The following ADAMTSL3 variants were observed in gnomAD, a reference collection of about 807,000 sequenced individuals.
ADAMTSL3 encodes ADAMTS like 3.
Under a neutral mutation model 201.7 loss-of-function variants are expected in ADAMTSL3, and 128 were observed. The observed-to-expected ratio is 0.63, with a 90% CI of 0.55 to 0.73. The LOEUF (loss-of-function observed/expected upper bound fraction) is 0.73, where lower values mean the gene tolerates loss of function less well. ADAMTSL3 is among the 30% of genes least tolerant of loss of function. The pLI, the probability that ADAMTSL3 is intolerant of heterozygous loss-of-function variation, is 0.00. For missense variants in ADAMTSL3, 1,990 were observed against 2,119.6 expected, an observed-to-expected ratio of 0.94 and a Z score of 1.20; for synonymous variants, 738 against 748.4, an observed-to-expected ratio of 0.99 and a Z score of 0.23.
rs1423107809 is a variant in ADAMTSL3, at chr15:83,852,774, A to G, written c.728-5992A>G. Among the ~76,000 whole-genome samples the G allele has an allele frequency of 3.3e-5, 5 of 152,214 alleles. No individual in the cohort carries two copies. The East Asian group carries it at 7.7e-4, about 23-fold the overall frequency. On this transcript the variant is annotated intron_variant, in intron 7 of 29. Transcript: ENST00000286744. ...TTTTGCTTAATTTTTATTTCAAATG[A>G]TTAATATTTTCCTTCGATTTTCTCA...
chr15:83,655,381 C>G (rs1411740852), intron 1 of ADAMTSL3, among the ~76,000 whole-genome samples: 1 of 152,210 alleles, frequency 6.6e-6, no homozygotes, highest in Non-Finnish European at 1.5e-5. Context: ...GCAGCAGAAG[C>G]TAGCCTAAAC....
At chr15:83,833,024 A>G (rs975624918) in intron 6 of ADAMTSL3, among the ~76,000 whole-genome samples, 3 of 152,180 alleles carry the variant, frequency 2.0e-5, no homozygotes, top group Non-Finnish European at 2.9e-5. Context: ...AATAATAGCA[A>G]CTAACACTGG....
intron 3 of ADAMTSL3, among the ~76,000 whole-genome samples, chr15:83,757,140 C>G (rs552526092): frequency 6.6e-6 from 1 of 152,342 alleles, no homozygotes; most frequent in East Asian, 1.9e-4. Context: ...TCTCACAGCT[C>G]TACTAGGCAG....
intron 3 of ADAMTSL3, among the ~76,000 whole-genome samples, chr15:83,753,718 G>A (rs971420419): frequency 4.0e-5 from 6 of 151,778 alleles, no homozygotes; most frequent in African/African-American, 1.5e-4. Context: ...TAAATGCTTT[G>A]ATTATGGTTT....
chr15:84,004,593 G>A (rs2067858394), intron 23 of ADAMTSL3, among the ~76,000 whole-genome samples: 3 of 152,162 alleles, frequency 2.0e-5, no homozygotes, highest in African/African-American at 7.2e-5. Flanking sequence ...CAAATTAGGA[G>A]TGAACCAGGA....
intron 23 of ADAMTSL3, among the ~76,000 whole-genome samples, chr15:83,991,579 G>C (rs1326670348): frequency 6.6e-6 from 1 of 152,212 alleles, no homozygotes; most frequent in African/African-American, 2.4e-5. Flanking sequence ...CAGAGGAGGG[G>C]ATTTGTGGGA....
At chr15:83,732,555 C>A (rs2062297285) in intron 3 of ADAMTSL3, among the ~76,000 whole-genome samples, 1 of 151,862 alleles carries the variant, frequency 6.6e-6, no homozygotes. Flanking sequence ...TAATATATAC[C>A]AGGGCTATTG....
chr15:83,693,938 T>C (rs948912533), intron 2 of ADAMTSL3, among the ~76,000 whole-genome samples: 1 of 152,110 alleles, frequency 6.6e-6, no homozygotes, highest in Non-Finnish European at 1.5e-5. Context: ...CCGCAACCAT[T>C]TGGGTAAAAT....
chr15:84,006,514 C>T (rs1015041725), intron 23 of ADAMTSL3, among the ~76,000 whole-genome samples: 1 of 152,144 alleles, frequency 6.6e-6, no homozygotes, highest in Non-Finnish European at 1.5e-5. Context: ...TTTAAAGACA[C>T]CCCCGAGGTG....
intron 3 of ADAMTSL3, among the ~76,000 whole-genome samples, chr15:83,770,675 T>G (rs988399690): frequency 1.3e-5 from 2 of 152,228 alleles, no homozygotes; most frequent in Non-Finnish European, 2.9e-5. Context: ...TAATCTATAA[T>G]ATTTCTAATA....
rs570068405 is a variant in ADAMTSL3, at chr15:83,756,267, A to C, written c.190-17256A>C. Reference sequence around the variant, plus strand: ...TCACACTGCTGAAAAAGACATACCCAAAACTGGGTAATTTATAAAGGAAAG... The same window carrying C: ...TCACACTGCTGAAAAAGACATACCCCAAACTGGGTAATTTATAAAGGAAAG... On this transcript the variant is annotated intron_variant, in intron 3 of 29. Coordinates refer to ENST00000286744, the MANE Select transcript of ADAMTSL3 (RefSeq NM_207517.3). Among the ~76,000 whole-genome samples the C allele has an allele frequency of 1.4e-4, 21 of 152,342 alleles. No homozygotes were observed. In the South Asian group the frequency reaches 3.5e-3, roughly 26 times the overall value.
intron 3 of ADAMTSL3, among the ~76,000 whole-genome samples, chr15:83,720,151 A>C (rs1220712828): frequency 1.3e-5 from 2 of 152,144 alleles, no homozygotes; most frequent in African/African-American, 4.8e-5. Context: ...TCTGGGAGGC[A>C]GAGGTTGCAG....
At chr15:83,822,565 G>A (rs2063905915) in intron 6 of ADAMTSL3, among the ~76,000 whole-genome samples, 1 of 149,572 alleles carries the variant, frequency 6.7e-6, no homozygotes, top group African/African-American at 2.5e-5. Context: ...CGGGGCGGCG[G>A]GGCAGAGGCG....
At chr15:83,663,184 A>C (rs1326573396) in intron 2 of ADAMTSL3, among the ~76,000 whole-genome samples, 4 of 152,014 alleles carry the variant, frequency 2.6e-5, no homozygotes, top group Non-Finnish European at 5.9e-5. Context: ...TGTCCTGCCA[A>C]CTCCCTTCAG....
intron 19 of ADAMTSL3, among the ~76,000 whole-genome samples, chr15:83,957,712 A>G (rs2066887775): frequency 6.6e-6 from 1 of 152,186 alleles, no homozygotes; most frequent in East Asian, 1.9e-4. Context: ...TGAAAGGGAG[A>G]GAAAAATGGC....
At chr15:83,817,504 T>G (rs2063788269) in intron 5 of ADAMTSL3, among the ~76,000 whole-genome samples, 1 of 152,138 alleles carries the variant, frequency 6.6e-6, no homozygotes, top group Non-Finnish European at 1.5e-5. Context: ...CGGGAAATAT[T>G]AATAGAGCTG....
intron 16 of ADAMTSL3, among the ~76,000 whole-genome samples, chr15:83,922,208 G>T (rs2066160310): frequency 6.6e-6 from 1 of 152,022 alleles, no homozygotes; most frequent in Non-Finnish European, 1.5e-5. Flanking sequence ...CCAATGTATG[G>T]GATGGGAGAT....
chr15:83,953,520 T>A (rs1043796960), intron 19 of ADAMTSL3, among the ~76,000 whole-genome samples: 10 of 152,204 alleles, frequency 6.6e-5, no homozygotes, highest in Non-Finnish European at 1.3e-4. Context: ...GTATTTATTA[T>A]TTTTTGATTG....
intron 4 of ADAMTSL3, among the ~76,000 whole-genome samples, chr15:83,798,800 C>G (rs2063471786): frequency 1.6e-5 from 2 of 124,586 alleles, no homozygotes; most frequent in South Asian, 2.8e-4. Context: ...GAGTGGGACT[C>G]CGTCTCAAAA....
Sources: allele counts gnomAD v4.1 joint callset (sites outside exome capture counted in the v4.1 genomes callset), GRCh38; gene constraint gnomAD v4.1.1; transcripts MANE v1.5; gene names NCBI Gene and HGNC (gene_info 2026-07-23, HGNC 2026-07-21).